THSD7A: variants seen among roughly 807,000 people sequenced by gnomAD.
THSD7A encodes thrombospondin type 1 domain containing 7A.
Under a neutral mutation model 231.3 loss-of-function variants are expected in THSD7A, and 96 were observed. That is an observed-to-expected ratio of 0.41 (90% CI 0.35 to 0.49). THSD7A has a LOEUF of 0.49. THSD7A is among the 20% of genes least tolerant of loss of function. The pLI is 0.05. For synonymous variants in THSD7A, 940 were observed against 743.3 expected (o/e 1.26, Z -4.30); for missense variants, 2,290 against 2,070.2 (o/e 1.11, Z -2.06).
At chr7:11,442,780 T>C (rs1401162745) in intron 13 of THSD7A, among the ~76,000 whole-genome samples, 1 of 152,070 alleles carries the variant, frequency 6.6e-6, no homozygotes, top group East Asian at 1.9e-4. Flanking sequence ...TTCCGTCAGA[T>C]ACCAGATTGA....
intron 6 of THSD7A, among the ~76,000 whole-genome samples, chr7:11,484,851 C>T (rs1786581583): frequency 7.1e-6 from 1 of 140,236 alleles, no homozygotes; most frequent in South Asian, 2.3e-4. Context: ...CTCTCAGACT[C>T]AACCCACTGA....
intron 1 of THSD7A, among the ~76,000 whole-genome samples, chr7:11,750,739 C>A (rs1341832746): frequency 6.6e-6 from 1 of 151,970 alleles, no homozygotes; most frequent in Admixed American, 6.6e-5. Context: ...TCATTAGAGA[C>A]CTCAGTAAGA....
chr7:11,761,764 T>C (rs1357410880), intron 1 of THSD7A, among the ~76,000 whole-genome samples: 1 of 152,106 alleles, frequency 6.6e-6, no homozygotes, highest in African/African-American at 2.4e-5. Context: ...TTTAAGGTTT[T>C]ATTTTAGATT....
intron 2 of THSD7A, among the ~76,000 whole-genome samples, chr7:11,617,033 T>A (rs1781131181): frequency 6.6e-6 from 1 of 152,246 alleles, no homozygotes; most frequent in South Asian, 2.1e-4. Context: ...AGTGATGCTA[T>A]ATTTGTGCAT....
chr7:11,457,937 T>C (rs573996120), intron 11 of THSD7A, among the ~76,000 whole-genome samples: 1 of 152,254 alleles, frequency 6.6e-6, no homozygotes, highest in South Asian at 2.1e-4. Context: ...TTTCAGTCTT[T>C]AATTCTTGTT....
chr7:11,603,898 A>C (rs895974601), intron 2 of THSD7A, among the ~76,000 whole-genome samples: 1 of 146,004 alleles, frequency 6.8e-6, no homozygotes, highest in African/African-American at 2.5e-5. Context: ...GGAGGGGGGA[A>C]GGATAGCATT....
intron 1 of THSD7A, among the ~76,000 whole-genome samples, chr7:11,734,015 G>A (rs1208062715): frequency 6.6e-6 from 1 of 151,220 alleles, no homozygotes; most frequent in Admixed American, 6.6e-5. Flanking sequence ...TCTATTCTTT[G>A]TCTTCCCTTC....
chr7:11,793,693 T>C (rs1359525338), intron 1 of THSD7A, among the ~76,000 whole-genome samples: 2 of 151,878 alleles, frequency 1.3e-5, no homozygotes, highest in Admixed American at 6.6e-5. Flanking sequence ...AATGGTATAC[T>C]ATATTTTTCA....
chr7:11,377,586 G>C lies in THSD7A; in HGVS notation c.4802-929C>G, dbSNP rs1244308869. 1.3e-5 allele frequency among the ~76,000 whole-genome samples: 2 copies of C among 152,066 alleles called. No homozygotes were observed. Among genetic ancestry groups the C allele is most frequent in the African/African-American group, 4.8e-5 (2 of 41,444 alleles). On this transcript the variant is annotated intron_variant, in intron 26 of 27. Transcript: ENST00000423059. This position sits in a 1 kb window ranked among gnomAD's most constrained non-coding sequence, Gnocchi z 4.5. ...TTTTGCCCGGAGTTAGATCAAGTTA[G>C]AGGTTCATTTGCTGGGAATAAACTC...
At chr7:11,562,608 A>G (rs373596814) in intron 4 of THSD7A, among the ~76,000 whole-genome samples, 1 of 152,264 alleles carries the variant, frequency 6.6e-6, no homozygotes, top group Non-Finnish European at 1.5e-5. Flanking sequence ...TTAAACCTTC[A>G]TTTCTGTATA....
intron 6 of THSD7A, among the ~76,000 whole-genome samples, chr7:11,500,951 A>C: frequency 6.6e-6 from 1 of 151,656 alleles, no homozygotes; most frequent in Admixed American, 6.6e-5. Context: ...GAAAGAAAAA[A>C]AAAAAGAAAA....
intron 1 of THSD7A, among the ~76,000 whole-genome samples, chr7:11,706,801 T>G (rs1780784435): frequency 6.6e-6 from 1 of 150,598 alleles, no homozygotes; most frequent in African/African-American, 2.4e-5. Flanking sequence ...ATCATTAAAG[T>G]ACATTTATCA....
At chr7:11,810,679 C>T (rs745906997) in intron 1 of THSD7A, among the ~76,000 whole-genome samples, 42 of 152,068 alleles carry the variant, frequency 2.8e-4, no homozygotes, top group Non-Finnish European at 5.1e-4. Flanking sequence ...ATTCCAGATG[C>T]CTTAATATGA....
intron 1 of THSD7A, among the ~76,000 whole-genome samples, chr7:11,716,699 C>T (rs1384526834): frequency 6.6e-6 from 1 of 151,532 alleles, no homozygotes; most frequent in African/African-American, 2.4e-5. Context: ...TATATCACCA[C>T]TGCTTGCCTA....
intron 1 of THSD7A, among the ~76,000 whole-genome samples, chr7:11,790,306 G>A (rs1253704871): frequency 2.0e-5 from 3 of 151,836 alleles, no homozygotes; most frequent in East Asian, 1.9e-4. Flanking sequence ...AGAGTGAGTT[G>A]TAAACCAATA....
In THSD7A at chr7:11,636,162, G is replaced by A. The variant is rs773048361; in HGVS notation, c.990C>T (p.Cys330=). ...CAGCAGCTTTCCCCGTCTTGTTAAT[G>A]CACATAACCTCTCTGGTCTGATATC... The part of the protein sequence containing the change: ...QIGYQTREVM[C]INKTGKAADL... Residue 330 remains cysteine (C), a synonymous_variant, in exon 2 of 28, where the codon TGC becomes TGT. Transcript: ENST00000423059. This position sits in a 1 kb window ranked among gnomAD's most constrained non-coding sequence, Gnocchi z 10.0. 8.7e-6 allele frequency: 14 copies of A among 1,613,452 alleles called. No homozygotes were observed. The South Asian group carries it at 1.5e-4, about 18-fold the overall frequency.
intron 6 of THSD7A, among the ~76,000 whole-genome samples, chr7:11,492,514 T>C (rs1331877309): frequency 1.3e-5 from 2 of 152,040 alleles, no homozygotes; most frequent in Admixed American, 6.6e-5. Context: ...ACTTACACAT[T>C]CTATATTTAT....
At chr7:11,622,982 C>G (rs1781367107) in intron 2 of THSD7A, among the ~76,000 whole-genome samples, 1 of 152,058 alleles carries the variant, frequency 6.6e-6, no homozygotes, top group Non-Finnish European at 1.5e-5. Context: ...AATATTTTCC[C>G]ACAAGGGGAG....
intron 6 of THSD7A, among the ~76,000 whole-genome samples, chr7:11,512,937 A>G (rs1787874797): frequency 7.6e-6 from 1 of 132,208 alleles, no homozygotes; most frequent in African/African-American, 3.1e-5. Flanking sequence ...TAAAAAAGAA[A>G]CTATGATATA....
Sources: gnomAD v4.1 joint callset for allele counts (sites outside exome capture counted in the v4.1 genomes callset) on GRCh38, gnomAD v4.1.1 for gene constraint, Gnocchi (gnomAD v3.1) non-coding constraint, MANE v1.5 for transcripts, NCBI Gene and HGNC (gene_info 2026-07-23, HGNC 2026-07-21) for gene names.